PRKD1: variants seen among roughly 807,000 people sequenced by gnomAD.
PRKD1 encodes protein kinase D1.
Under a neutral mutation model 95.9 loss-of-function variants are expected in PRKD1, and 63 were observed. That is an observed-to-expected ratio of 0.66 (90% CI 0.54 to 0.81). The LOEUF (loss-of-function observed/expected upper bound fraction) is 0.81, where lower values mean the gene tolerates loss of function less well. Ranked by LOEUF, PRKD1 falls within the 30% of genes least tolerant of loss-of-function variation. The pLI, the probability that PRKD1 is intolerant of heterozygous loss-of-function variation, is 0.00. For synonymous variants in PRKD1, 425 were observed against 423.1 expected (o/e 1.00, Z -0.05); for missense variants, 1,048 against 1,165.3 (o/e 0.90, Z 1.47).
At chr14:29,653,555 A>G (rs1037172216) in intron 4 of PRKD1, among the ~76,000 whole-genome samples, 1 of 152,068 alleles carries the variant, frequency 6.6e-6, no homozygotes, top group Admixed American at 6.6e-5. Context: ...TTCATTTTCC[A>G]CCTTGACTTC....
intron 1 of PRKD1, among the ~76,000 whole-genome samples, chr14:29,738,129 C>T (rs1299134565): frequency 1.3e-5 from 2 of 152,056 alleles, no homozygotes; most frequent in Non-Finnish European, 1.5e-5. Flanking sequence ...TATTTGGAGA[C>T]ATATTTCTGA....
At chr14:29,607,769 T>G (rs1229853434) in intron 13 of PRKD1, among the ~76,000 whole-genome samples, 1 of 152,220 alleles carries the variant, frequency 6.6e-6, no homozygotes, top group African/African-American at 2.4e-5. Flanking sequence ...CTTCCTATTT[T>G]AAGGTCTGCA....
chr14:29,749,790 T>C (rs868183952), intron 1 of PRKD1, among the ~76,000 whole-genome samples: 3 of 152,212 alleles, frequency 2.0e-5, no homozygotes, highest in East Asian at 1.9e-4. Context: ...CAGTGACTAA[T>C]AGATAAAACC....
chr14:29,652,798 C>T (rs1881595630), intron 4 of PRKD1: 1 of 152,206 alleles, frequency 6.6e-6, no homozygotes, highest in African/African-American at 2.4e-5. Flanking sequence ...TAAGTCTCTA[C>T]TTCTAAATAG....
At chr14:29,732,196 T>C (rs901305069) in intron 1 of PRKD1, among the ~76,000 whole-genome samples, 2 of 152,168 alleles carry the variant, frequency 1.3e-5, no homozygotes, top group African/African-American at 4.8e-5. Flanking sequence ...TTTTAAGTTG[T>C]TTCTATCATT....
intron 1 of PRKD1, among the ~76,000 whole-genome samples, chr14:29,841,035 T>C (rs1469612494): frequency 1.3e-5 from 2 of 152,258 alleles, no homozygotes; most frequent in African/African-American, 4.8e-5. Flanking sequence ...AAGATTTGAC[T>C]GCCCTGCTGG....
chr14:29,770,304 C>T (rs76395343), intron 1 of PRKD1, among the ~76,000 whole-genome samples: 170 of 152,204 alleles, frequency 1.1e-3, no homozygotes, highest in African/African-American at 3.5e-3. Flanking sequence ...ATGGAAGAAC[C>T]GCTAGAAATG....
intron 2 of PRKD1, among the ~76,000 whole-genome samples, chr14:29,690,913 C>T (rs992821232): frequency 2.0e-5 from 3 of 152,072 alleles, no homozygotes; most frequent in Admixed American, 6.6e-5. Context: ...TTTTCTCTTC[C>T]GTGTAGATAA....
chr14:29,805,242 G>A (rs749793275), intron 1 of PRKD1, among the ~76,000 whole-genome samples: 25 of 152,142 alleles, frequency 1.6e-4, no homozygotes, highest in Non-Finnish European at 2.2e-4. Context: ...TAGATTGGTC[G>A]GGGGAAGAAG....
At chr14:29,663,173 T>C (rs537242456) in intron 4 of PRKD1, among the ~76,000 whole-genome samples, 64 of 91,740 alleles carry the variant, frequency 7.0e-4, no homozygotes, top group African/African-American at 2.7e-3. Flanking sequence ...ATATATATTC[T>C]AGAGCTAATG....
At chr14:29,712,724 A>T (rs1391863899) in intron 2 of PRKD1, among the ~76,000 whole-genome samples, 1 of 152,154 alleles carries the variant, frequency 6.6e-6, no homozygotes, top group Admixed American at 6.6e-5. Context: ...GCTGTTTAAG[A>T]CTTAAAACAG....
At chr14:29,673,883 T>G (rs1420253706) in intron 2 of PRKD1, among the ~76,000 whole-genome samples, 1 of 152,146 alleles carries the variant, frequency 6.6e-6, no homozygotes, top group Non-Finnish European at 1.5e-5. Context: ...ATGGACTGAG[T>G]GCCAGGGAAG....
intron 1 of PRKD1, among the ~76,000 whole-genome samples, chr14:29,779,923 C>G (rs574330310): frequency 1.6e-4 from 24 of 152,204 alleles, no homozygotes; most frequent in African/African-American, 5.5e-4. Flanking sequence ...CAGCATGGTA[C>G]TGGTACCAAA....
intron 10 of PRKD1, among the ~76,000 whole-genome samples, chr14:29,629,646 A>C (rs1425929469): frequency 6.6e-6 from 1 of 152,134 alleles, no homozygotes; most frequent in Non-Finnish European, 1.5e-5. Context: ...CTATTATGAA[A>C]TTTAAAAATA....
intron 1 of PRKD1, among the ~76,000 whole-genome samples, chr14:29,836,551 C>G (rs1039068391): frequency 2.6e-5 from 4 of 152,080 alleles, no homozygotes; most frequent in Non-Finnish European, 5.9e-5. Context: ...TCAGAGTCCA[C>G]CAGACCATGC....
In PRKD1 at chr14:29,629,079, TCA is replaced by T; in HGVS notation, c.1685_1686del (p.Val562GlufsTer24). On this transcript the variant is annotated frameshift_variant, in exon 11 of 18. Coordinates refer to ENST00000331968, the MANE Select transcript of PRKD1 (RefSeq NM_002742.3). LOFTEE classifies it high-confidence loss of function. ...ATCTGGCAATTTGATACTGAAATAC[TCA>T]CAGAGATATCTCCTGGAAATGCATG... The part of the protein sequence containing the change: ...TGTNLHRDIS[V>X]SISVSNCQIQ... 6 of 1,608,544 alleles carry T rather than the reference TCA, an allele frequency of 3.7e-6. No homozygotes were observed. The highest frequency in any genetic ancestry group is 5.1e-6 in the Non-Finnish European group (6 of 1,177,522).
intron 1 of PRKD1, among the ~76,000 whole-genome samples, chr14:29,908,489 G>T (rs1894574664): frequency 6.6e-6 from 1 of 152,010 alleles, no homozygotes; most frequent in African/African-American, 2.4e-5. Context: ...GTTTCACTAT[G>T]TTGGCCAGGC....
At chr14:29,577,784 A>G (rs1782574632) in intron 17 of PRKD1, among the ~76,000 whole-genome samples, 4 of 152,204 alleles carry the variant, frequency 2.6e-5, no homozygotes. Flanking sequence ...TTAGTTTCCT[A>G]AAGTTTAAAT....
chr14:29,803,029 G>A (rs1466060912), intron 1 of PRKD1, among the ~76,000 whole-genome samples: 4 of 152,138 alleles, frequency 2.6e-5, no homozygotes, highest in East Asian at 1.9e-4. Flanking sequence ...TCAATGAGCC[G>A]GACATGAGAC....
Sources: gnomAD v4.1 joint callset for allele counts (sites outside exome capture counted in the v4.1 genomes callset) on GRCh38, gnomAD v4.1.1 for gene constraint, MANE v1.5 for transcripts, NCBI Gene and HGNC (gene_info 2026-07-23, HGNC 2026-07-21) for gene names.